GALNTL6: variants seen among roughly 807,000 people sequenced by gnomAD.
The protein encoded by GALNTL6 is polypeptide N-acetylgalactosaminyltransferase-like 6.
GALNTL6 carries 46 observed loss-of-function variants against 73.7 expected under a neutral mutation model. That is an observed-to-expected ratio of 0.62 (90% CI 0.49 to 0.80). The LOEUF is 0.80. Among genes scored for constraint, GALNTL6 ranks in the 30% least tolerant of loss-of-function variants. The pLI, the probability that GALNTL6 is intolerant of heterozygous loss-of-function variation, is 0.00. For synonymous variants in GALNTL6, 259 were observed against 263.7 expected (o/e 0.98, Z 0.17); for missense variants, 604 against 755.0 (o/e 0.80, Z 2.34).
chr4:172,065,841 T>A (rs1731344022), intron 2 of GALNTL6, among the ~76,000 whole-genome samples: 6 of 152,190 alleles, frequency 3.9e-5, no homozygotes, highest in Admixed American at 3.9e-4. Context: ...TAGTGTCCAG[T>A]GAAGGGAGAA....
intron 5 of GALNTL6, among the ~76,000 whole-genome samples, chr4:172,560,203 C>T (rs1269609387): frequency 2.0e-5 from 3 of 152,036 alleles, no homozygotes; most frequent in South Asian, 2.1e-4. Context: ...GGTGGCCAAG[C>T]GTGATGGTTC....
At chr4:171,943,882 A>C (rs923484909) in intron 2 of GALNTL6, among the ~76,000 whole-genome samples, 1 of 150,394 alleles carries the variant, frequency 6.6e-6, no homozygotes, top group Non-Finnish European at 1.5e-5. Context: ...ACAATGCTAT[A>C]GTTAAGAGAC....
At chr4:172,530,550 C>T (rs1735135053) in intron 5 of GALNTL6, among the ~76,000 whole-genome samples, 1 of 152,112 alleles carries the variant, frequency 6.6e-6, no homozygotes, top group Non-Finnish European at 1.5e-5. Flanking sequence ...CTCTCTGAAC[C>T]ACAGCTGTCT....
chr4:171,948,614 T>C (rs1427768920), intron 2 of GALNTL6, among the ~76,000 whole-genome samples: 1 of 152,156 alleles, frequency 6.6e-6, no homozygotes, highest in African/African-American at 2.4e-5. Flanking sequence ...TACATGCATA[T>C]CTATAGACTA....
chr4:172,091,504 G>T (rs561851451), intron 2 of GALNTL6, among the ~76,000 whole-genome samples: 26 of 152,214 alleles, frequency 1.7e-4, no homozygotes, highest in Non-Finnish European at 3.5e-4. Context: ...TACATTTAAG[G>T]TATCAGACCA....
intron 2 of GALNTL6, among the ~76,000 whole-genome samples, chr4:172,156,886 C>A (rs957252978): frequency 3.9e-5 from 6 of 151,922 alleles, no homozygotes; most frequent in Admixed American, 3.3e-4. Context: ...TTTCCTATTA[C>A]AACTAACCAT....
chr4:172,526,226 A>G (rs1282812908), intron 5 of GALNTL6, among the ~76,000 whole-genome samples: 2 of 152,212 alleles, frequency 1.3e-5, no homozygotes, highest in African/African-American at 2.4e-5. Context: ...GTTGTAAAAT[A>G]TGTCATATTT....
chr4:172,181,194 A>G (rs1579222864), intron 2 of GALNTL6, among the ~76,000 whole-genome samples: 1 of 152,184 alleles, frequency 6.6e-6, no homozygotes, highest in African/African-American at 2.4e-5. Context: ...AATATCCCTG[A>G]TGAACATCAA....
intron 2 of GALNTL6, among the ~76,000 whole-genome samples, chr4:171,950,138 G>A (rs181994752): frequency 6.6e-6 from 1 of 152,276 alleles, no homozygotes; most frequent in East Asian, 1.9e-4. Context: ...ATCTAGAATT[G>A]ATTGGAATAT....
At chr4:172,726,155 C>G (rs938825126) in intron 5 of GALNTL6, among the ~76,000 whole-genome samples, 1 of 152,214 alleles carries the variant, frequency 6.6e-6, no homozygotes, top group African/African-American at 2.4e-5. Context: ...CTGCTGAGCC[C>G]TGTAAACAGT....
intron 2 of GALNTL6, among the ~76,000 whole-genome samples, chr4:172,122,706 G>A (rs1733185811): frequency 6.6e-6 from 1 of 152,208 alleles, no homozygotes; most frequent in African/African-American, 2.4e-5. Context: ...TGGGTCAGAA[G>A]AGCCCAGCCA....
At chr4:171,991,190 A>T (rs976300550) in intron 2 of GALNTL6, among the ~76,000 whole-genome samples, 1 of 152,216 alleles carries the variant, frequency 6.6e-6, no homozygotes, top group South Asian at 2.1e-4. Flanking sequence ...GACATTGGAT[A>T]GTCATAGACC....
chr4:172,830,915 T>G (rs11735064), intron 7 of GALNTL6, among the ~76,000 whole-genome samples: 77,453 of 152,032 alleles, frequency 0.51, 24,076 homozygotes, highest in Non-Finnish European at 0.69. Context: ...ATCCCAACAC[T>G]TTGAGAGGCT....
intron 2 of GALNTL6, among the ~76,000 whole-genome samples, chr4:171,965,395 G>A (rs1301374278): frequency 6.6e-6 from 1 of 152,034 alleles, no homozygotes; most frequent in East Asian, 1.9e-4. Context: ...AGTGGCTCAC[G>A]CCTGTAATCC....
At chr4:172,335,297 G>C (rs1456902524) in intron 4 of GALNTL6, among the ~76,000 whole-genome samples, 1 of 152,174 alleles carries the variant, frequency 6.6e-6, no homozygotes, top group Non-Finnish European at 1.5e-5. Context: ...AGGCCTAACT[G>C]ATCGTGGTGA....
chr4:172,322,778 T>C (rs1309095071), intron 4 of GALNTL6, among the ~76,000 whole-genome samples: 3 of 151,876 alleles, frequency 2.0e-5, no homozygotes, highest in Non-Finnish European at 4.4e-5. Context: ...ACCTTCAACA[T>C]TAGAGATTAT....
At chr4:172,186,474 GC>G in intron 2 of GALNTL6, among the ~76,000 whole-genome samples, 1 of 152,046 alleles carries the variant, frequency 6.6e-6, no homozygotes. Flanking sequence ...TTGTGCACCT[GC>G]ACTAATCACA....
intron 8 of GALNTL6, among the ~76,000 whole-genome samples, chr4:172,920,703 A>C (rs1747747676): frequency 6.6e-6 from 1 of 152,180 alleles, no homozygotes; most frequent in Admixed American, 6.6e-5. Context: ...TTTACATTTG[A>C]ATGTATTATG....
chr4:172,314,691 T>C (rs1015941100), intron 4 of GALNTL6, among the ~76,000 whole-genome samples: 2 of 127,946 alleles, frequency 1.6e-5, no homozygotes, highest in African/African-American at 5.9e-5. Flanking sequence ...CACTGCAACC[T>C]CCGCCTCCTG....
Sources: allele counts gnomAD v4.1 joint callset (sites outside exome capture counted in the v4.1 genomes callset), GRCh38; gene constraint gnomAD v4.1.1; transcripts MANE v1.5; gene names NCBI Gene and HGNC (gene_info 2026-07-23, HGNC 2026-07-21).